The following KCNMA1 variants were observed in gnomAD, a reference collection of about 807,000 sequenced individuals.
KCNMA1 encodes the protein Calcium-activated potassium channel subunit alpha-1.
A neutral mutation model predicts 140.0 loss-of-function variants in KCNMA1; 29 were observed. The ratio of observed to expected loss-of-function variants is 0.21; its 90% CI spans 0.15 to 0.28. KCNMA1 has a LOEUF of 0.28. KCNMA1 is among the 10% of genes least tolerant of loss of function. The pLI, the probability that KCNMA1 is intolerant of heterozygous loss-of-function variation, is 1.00. For missense variants in KCNMA1, 880 were observed against 1,602.2 expected (o/e 0.55, Z 7.70); for synonymous variants, 612 against 611.9 (o/e 1.00, Z 0.00).
At chr10:77,310,192 A>G (rs2078896948) in intron 2 of KCNMA1, among the ~76,000 whole-genome samples, 1 of 152,212 alleles carries the variant, frequency 6.6e-6, no homozygotes, top group African/African-American at 2.4e-5. Flanking sequence ...GCACTAGTAC[A>G]ACTAAACCAG....
intron 3 of KCNMA1, among the ~76,000 whole-genome samples, chr10:77,233,799 A>G (rs1197122243): frequency 6.6e-6 from 1 of 152,160 alleles, no homozygotes; most frequent in Non-Finnish European, 1.5e-5. Context: ...GCCCTTGTCC[A>G]CTAGAGGCGA....
chr10:77,289,118 G>C (rs2154306729), intron 2 of KCNMA1, among the ~76,000 whole-genome samples: 1 of 152,250 alleles, frequency 6.6e-6, no homozygotes, highest in South Asian at 2.1e-4. Flanking sequence ...ATCTCCTCCA[G>C]CTCCCCAGGA....
intron 25 of KCNMA1, among the ~76,000 whole-genome samples, chr10:76,895,280 C>T (rs899024647): frequency 3.3e-5 from 5 of 152,154 alleles, no homozygotes; most frequent in African/African-American, 4.8e-5. Context: ...TTGCCAATGC[C>T]GCTGGCCGAA....
At chr10:77,562,586 T>C (rs1427951611) in intron 1 of KCNMA1, among the ~76,000 whole-genome samples, 1 of 152,170 alleles carries the variant, frequency 6.6e-6, no homozygotes, top group Non-Finnish European at 1.5e-5. Context: ...AATGTAAAGG[T>C]GGCCCCAGCC....
chr10:77,017,028 A>G (rs1469009639), intron 17 of KCNMA1, among the ~76,000 whole-genome samples: 2 of 152,186 alleles, frequency 1.3e-5, no homozygotes, highest in East Asian at 1.9e-4. Context: ...TTGACACATC[A>G]CATGCCATGG....
At chr10:77,066,110 A>C (rs1326465239) in intron 14 of KCNMA1, among the ~76,000 whole-genome samples, 1 of 152,174 alleles carries the variant, frequency 6.6e-6, no homozygotes, top group Non-Finnish European at 1.5e-5. Flanking sequence ...ACTTATGCAG[A>C]AGAGTGACAG....
intron 3 of KCNMA1, among the ~76,000 whole-genome samples, chr10:77,188,759 C>T (rs1304392905): frequency 6.6e-6 from 1 of 152,150 alleles, no homozygotes; most frequent in East Asian, 1.9e-4. Context: ...CAGGATGATC[C>T]AACAGACCTT....
chr10:77,314,698 G>A lies in KCNMA1; in HGVS notation c.541-63442C>T, dbSNP rs116173710. Among the ~76,000 whole-genome samples the A allele has an allele frequency of 7.5e-3, 1,140 of 152,158 alleles. 15 individuals carry two copies. Among genetic ancestry groups the A allele is most frequent in the African/African-American group, 0.026 (1,085 of 41,502 alleles). ...TGAAGCTTGTCTGGGTGATGGCTGA[G>A]GTGAACCCATGTTAGCTCCTGGTGC... On this transcript the variant is annotated intron_variant, in intron 2 of 27. Transcript: ENST00000286628.
At chr10:77,605,161 G>A (rs1451376268) in intron 1 of KCNMA1, among the ~76,000 whole-genome samples, 7 of 152,252 alleles carry the variant, frequency 4.6e-5, no homozygotes, top group African/African-American at 7.2e-5. Context: ...CCGCAGCCCA[G>A]GGGCACATGG....
intron 5 of KCNMA1, among the ~76,000 whole-genome samples, chr10:77,161,323 G>A (rs561837515): frequency 6.6e-6 from 1 of 152,256 alleles, no homozygotes; most frequent in African/African-American, 2.4e-5. Flanking sequence ...TTATGGCTCT[G>A]AGCAGCCTCA....
At chr10:77,060,292 T>C (rs575981372) in intron 14 of KCNMA1, among the ~76,000 whole-genome samples, 1 of 152,322 alleles carries the variant, frequency 6.6e-6, no homozygotes, top group African/African-American at 2.4e-5. Context: ...GGACTCAAAC[T>C]TTGTAATGCC....
intron 9 of KCNMA1, among the ~76,000 whole-genome samples, chr10:77,098,037 G>A (rs777470900): frequency 3.3e-5 from 5 of 152,194 alleles, no homozygotes; most frequent in South Asian, 2.1e-4. Context: ...GCATCTTATC[G>A]CATGCAGACA....
At chr10:77,590,649 G>A (rs567661932) in intron 1 of KCNMA1, among the ~76,000 whole-genome samples, 21 of 152,380 alleles carry the variant, frequency 1.4e-4, no homozygotes, top group South Asian at 8.3e-4. Context: ...GTGCAGCAGC[G>A]GTCTGAAGGG....
chr10:77,423,376 C>T (rs187320409), intron 1 of KCNMA1, among the ~76,000 whole-genome samples: 4 of 152,238 alleles, frequency 2.6e-5, no homozygotes, highest in East Asian at 3.9e-4. Flanking sequence ...CTTCTCTAAT[C>T]GACATAGAAA....
chr10:77,492,317 C>T (rs2040242568), intron 1 of KCNMA1, among the ~76,000 whole-genome samples: 1 of 152,190 alleles, frequency 6.6e-6, no homozygotes. Context: ...CTCTCATAAC[C>T]CAGCCCCTGC....
At chr10:77,392,117 G>C (rs576385326) in intron 2 of KCNMA1, among the ~76,000 whole-genome samples, 1 of 138,654 alleles carries the variant, frequency 7.2e-6, no homozygotes, top group South Asian at 2.6e-4. Flanking sequence ...GAAGGACGGA[G>C]GAATGGAATG....
intron 23 of KCNMA1, among the ~76,000 whole-genome samples, chr10:76,938,746 T>A (rs1220552339): frequency 6.6e-6 from 1 of 152,220 alleles, no homozygotes; most frequent in Non-Finnish European, 1.5e-5. Context: ...CTGCCTTATA[T>A]GTACCCTGTA....
intron 1 of KCNMA1, among the ~76,000 whole-genome samples, chr10:77,591,864 T>C (rs1282893361): frequency 6.6e-6 from 1 of 152,126 alleles, no homozygotes; most frequent in Non-Finnish European, 1.5e-5. Flanking sequence ...GGTTACAAAA[T>C]CACAGAACCT....
At chr10:77,401,679 T>C (rs2096272181) in intron 2 of KCNMA1, among the ~76,000 whole-genome samples, 1 of 152,238 alleles carries the variant, frequency 6.6e-6, no homozygotes, top group Non-Finnish European at 1.5e-5. Context: ...TCTTCACAAA[T>C]TCCAGCCCAC....
Sources: allele counts gnomAD v4.1 joint callset (sites outside exome capture counted in the v4.1 genomes callset), GRCh38; gene constraint gnomAD v4.1.1; transcripts MANE v1.5; gene names NCBI Gene and HGNC (gene_info 2026-07-23, HGNC 2026-07-21).